ABCB4: variants seen among roughly 807,000 people sequenced by gnomAD.
ABCB4 encodes the protein ATP binding cassette subfamily B member 4.
Under a neutral mutation model 145.7 loss-of-function variants are expected in ABCB4, and 76 were observed. The ratio of observed to expected loss-of-function variants is 0.52; its 90% CI spans 0.43 to 0.63. ABCB4 has a LOEUF of 0.63. ABCB4 is among the 30% of genes least tolerant of loss of function. ABCB4 has a pLI of 0.00. For synonymous variants in ABCB4, 517 were observed against 566.8 expected, an observed-to-expected ratio of 0.91 and a Z score of 1.25; for missense variants, 1,234 against 1,553.1, an observed-to-expected ratio of 0.79 and a Z score of 3.45.
At chr7:87,429,002 C>A (rs1266407714) in intron 15 of ABCB4, among the ~76,000 whole-genome samples, 1 of 152,188 alleles carries the variant, frequency 6.6e-6, no homozygotes, top group Non-Finnish European at 1.5e-5. Context: ...CAACTAAGAG[C>A]CAACAGTCTA....
the ABCB4 span, among the ~76,000 whole-genome samples, chr7:87,385,335 G>A: frequency 1.3e-5 from 2 of 151,984 alleles, no homozygotes; most frequent in Admixed American, 6.6e-5. Flanking sequence ...AACATAGGTT[G>A]TCTTTCCATT....
chr7:87,445,435 C>T (rs1377454012), intron 9 of ABCB4, among the ~76,000 whole-genome samples: 1 of 152,118 alleles, frequency 6.6e-6, no homozygotes, highest in Admixed American at 6.6e-5. Flanking sequence ...GTTTGCACAT[C>T]ATAAAACATA....
chr7:87,371,562 C>G, the ABCB4 span, among the ~76,000 whole-genome samples: 4 of 152,156 alleles, frequency 2.6e-5, no homozygotes, highest in African/African-American at 9.7e-5. Context: ...ATGTTCACAT[C>G]ATCTGATGTA....
intron 26 of ABCB4, among the ~76,000 whole-genome samples, chr7:87,404,089 T>G (rs1360980466): frequency 6.6e-6 from 1 of 152,148 alleles, no homozygotes; most frequent in Non-Finnish European, 1.5e-5. Context: ...AGCTGTAAAT[T>G]TTTCTATTCA....
chr7:87,475,581 G>A, intron 1 of ABCB4, 53 bp downstream of exon 1: 1 of 1,056,050 alleles, frequency 9.5e-7, no homozygotes, highest in Non-Finnish European at 1.4e-6. Context: ...CCCGCCCCGC[G>A]CCCCACGTCC....
chr7:87,374,892 T>C, the ABCB4 span, among the ~76,000 whole-genome samples: 2 of 151,882 alleles, frequency 1.3e-5, no homozygotes, highest in African/African-American at 4.8e-5. Flanking sequence ...TGAAAGCTTT[T>C]AAATTGAAGT....
chr7:87,406,221 A>T, intron 26 of ABCB4, 67 bp downstream of exon 26: 1 of 1,515,566 alleles, frequency 6.6e-7, no homozygotes, highest in Non-Finnish European at 9.2e-7. Flanking sequence ...TTTTGTTGGC[A>T]TAACTTTGGT....
In ABCB4 at chr7:87,401,956, C is replaced by T; in HGVS notation, c.*140G>A. 8.3e-7 allele frequency: 1 copy of T among 1,198,712 alleles called. No individual in the cohort carries two copies. The highest frequency in any genetic ancestry group is 1.2e-6 in the Non-Finnish European group (1 of 833,852). The allele number at this position is 1,198,712 out of a possible 1,614,324, so 74.3% of individuals were successfully genotyped here. ...AAATTTCAAATGCCGTAATAAACCCCAAATTGGGTCTTCTAAATTGATCTA... is the reference window on the plus strand; with the variant it reads ...AAATTTCAAATGCCGTAATAAACCCTAAATTGGGTCTTCTAAATTGATCTA... On this transcript the variant is annotated 3_prime_UTR_variant, in exon 28 of 28. Coordinates refer to ENST00000649586, the MANE Select transcript of ABCB4 (RefSeq NM_000443.4).
At chr7:87,389,213 G>T in the ABCB4 span, among the ~76,000 whole-genome samples, 3 of 152,154 alleles carry the variant, frequency 2.0e-5, no homozygotes. Context: ...AAGACAGTGT[G>T]GCGATTCCTC....
rs377264429 is a variant in ABCB4, at chr7:87,403,970, A to G, written c.3487-689T>C. On this transcript the variant is annotated intron_variant, in intron 26 of 27. Coordinates refer to ENST00000649586, the MANE Select transcript of ABCB4 (RefSeq NM_000443.4). ...AGCATTCTAGGCTGAGAAAGAGCATATGAATAGAGATGTAAATTGAGTCAG... is the reference window on the plus strand; with the variant it reads ...AGCATTCTAGGCTGAGAAAGAGCATGTGAATAGAGATGTAAATTGAGTCAG... 1.6e-4 allele frequency among the ~76,000 whole-genome samples: 25 copies of G among 152,322 alleles called. No individual in the cohort carries two copies. In the East Asian group the frequency reaches 3.7e-3, roughly 22 times the overall value.
intron 2 of ABCB4, among the ~76,000 whole-genome samples, chr7:87,474,502 A>T (rs1711937281): frequency 6.6e-6 from 1 of 152,202 alleles, no homozygotes; most frequent in Non-Finnish European, 1.5e-5. Context: ...TTAGCTAATC[A>T]AGCCCCTAGC....
At chr7:87,392,643 AG>A in the ABCB4 span, 33 of 1,612,600 alleles carry the variant, frequency 2.0e-5, no homozygotes, top group South Asian at 3.4e-4. Context: ...CAGCTGGAAA[AG>A]GTACTTAAGT....
intron 8 of ABCB4, among the ~76,000 whole-genome samples, chr7:87,449,172 C>T (rs1811539521): frequency 6.6e-6 from 1 of 152,018 alleles, no homozygotes; most frequent in Non-Finnish European, 1.5e-5. Flanking sequence ...CCAGGCTTAT[C>T]CTGGATCATT....
Position 87,451,139 on chromosome 7 carries a change from A to AT in ABCB4, c.708+483dup, listed in dbSNP as rs72422284. On this transcript the variant is annotated intron_variant, in intron 7 of 27. Transcript: ENST00000649586. ...AGGGTAATCGAAGTAAGAACTGTGA[A>AT]TTTTTTTTTTTTTTGAGATGAAGTC... 2.7e-3 allele frequency among the ~76,000 whole-genome samples: 397 copies of AT among 145,482 alleles called. 2 individuals are homozygous for AT. Among genetic ancestry groups the AT allele is most frequent in the Non-Finnish European group, 3.3e-3 (219 of 66,086 alleles).
At chr7:87,459,343 C>T (rs1318857070) in intron 4 of ABCB4, among the ~76,000 whole-genome samples, 1 of 152,108 alleles carries the variant, frequency 6.6e-6, no homozygotes, top group African/African-American at 2.4e-5. Context: ...ATTCCACTTG[C>T]GTTCTTATGA....
At position 87,440,355 on chromosome 7, in the gene ABCB4, C is replaced by T; in HGVS notation, c.1404G>A (p.Leu468=). The T allele has an allele frequency of 6.2e-7, 1 of 1,614,134 alleles. No individual in the cohort carries two copies. Among genetic ancestry groups the T allele is most frequent in the Non-Finnish European group, 8.5e-7 (1 of 1,180,016 alleles). ...QDIRNFNVNY[L]REIIGVVSQE... is the part of the protein sequence containing the mutation. ...GACTCACCACACCAATGATTTCCCT[C>T]AGATAGTTTACATTAAAGTTCCTAA... Residue 468 remains leucine, a synonymous_variant, in exon 13 of 28, where the codon CTG becomes CTA. Coordinates refer to ENST00000649586, the MANE Select transcript of ABCB4 (RefSeq NM_000443.4).
intron 18 of ABCB4, 122 bp downstream of exon 18, chr7:87,421,999 C>T (rs1054347597): frequency 5.4e-6 from 4 of 744,946 alleles, no homozygotes; most frequent in African/African-American, 1.8e-5. Context: ...TCCAGCAGAG[C>T]CTTATGCCAA....
intron 13 of ABCB4, 50 bp downstream of exon 13, chr7:87,440,149 A>G (rs745465599): frequency 7.0e-6 from 11 of 1,562,302 alleles, no homozygotes; most frequent in African/African-American, 6.8e-5. Flanking sequence ...ACTCAGTCCT[A>G]TGAGGTGAAA....
At chr7:87,453,242 G>GAAGTGATCATA in intron 5 of ABCB4, 107 bp from the exon 6 acceptor site, 1 of 1,099,456 alleles carries the variant, frequency 9.1e-7, no homozygotes, top group Non-Finnish European at 1.3e-6. Flanking sequence ...GGAGTGCAGT[G>GAAGTGATCATA]GCACCATCTC....
Sources: gnomAD v4.1 joint callset for allele counts (sites outside exome capture counted in the v4.1 genomes callset) on GRCh38, gnomAD v4.1.1 for gene constraint, MANE v1.5 for transcripts, NCBI Gene and HGNC (gene_info 2026-07-23, HGNC 2026-07-21) for gene names.